The following CACHD1 variants were observed in gnomAD, a reference collection of about 807,000 sequenced individuals.
CACHD1 encodes VWFA and cache domain-containing protein 1.
In CACHD1, 71 loss-of-function variants were observed where a neutral mutation model predicts 138.7. The observed-to-expected ratio is 0.51, with a 90% confidence interval of 0.42 to 0.62. The LOEUF (loss-of-function observed/expected upper bound fraction) is 0.62. CACHD1 is among the 20% of genes least tolerant of loss of function. CACHD1 has a pLI of 0.00. For synonymous variants in CACHD1, 578 were observed against 591.5 expected (o/e 0.98, Z 0.33); for missense variants, 1,389 against 1,625.3 (o/e 0.85, Z 2.50).
chr1:64,476,916 C>T (rs1646177271), intron 1 of CACHD1, among the ~76,000 whole-genome samples: 1 of 152,134 alleles, frequency 6.6e-6, no homozygotes, highest in Non-Finnish European at 1.5e-5. Flanking sequence ...CCTTGCAGAA[C>T]TCTGGAATTT....
At chr1:64,582,345 T>TTTTA (rs769888090) in intron 3 of CACHD1, 41 bp downstream of exon 3, 2 of 1,543,790 alleles carry the variant, frequency 1.3e-6, no homozygotes, top group Non-Finnish European at 1.8e-6. Flanking sequence ...AAACCAGACA[T>TTTTA]TGAATTGCTT....
intron 1 of CACHD1, among the ~76,000 whole-genome samples, chr1:64,522,680 A>C (rs772543092): frequency 6.6e-6 from 1 of 152,114 alleles, no homozygotes; most frequent in Non-Finnish European, 1.5e-5. Flanking sequence ...AACTCACTTT[A>C]TTATTTTTGC....
intron 9 of CACHD1, among the ~76,000 whole-genome samples, chr1:64,651,293 C>T (rs1470892323): frequency 1.5e-4 from 23 of 152,114 alleles, no homozygotes; most frequent in Non-Finnish European, 2.9e-4. Flanking sequence ...CCTTTGGAAA[C>T]TTAATTTCTC....
intron 4 of CACHD1, among the ~76,000 whole-genome samples, chr1:64,607,578 G>C (rs1452537731): frequency 6.6e-6 from 1 of 152,192 alleles, no homozygotes; most frequent in Non-Finnish European, 1.5e-5. Flanking sequence ...ATTATACTCA[G>C]TTTATGTGCC....
intron 1 of CACHD1, among the ~76,000 whole-genome samples, chr1:64,545,174 T>A (rs1485364361): frequency 1.3e-5 from 2 of 152,226 alleles, no homozygotes; most frequent in East Asian, 3.8e-4. Context: ...CAAAAACATT[T>A]GAGTAGAGTA....
chr1:64,510,292 T>G (rs1272677100), intron 1 of CACHD1, among the ~76,000 whole-genome samples: 1 of 152,188 alleles, frequency 6.6e-6, no homozygotes, highest in Non-Finnish European at 1.5e-5. Context: ...CTTGCATCTT[T>G]GCACCCTTTC....
intron 25 of CACHD1, among the ~76,000 whole-genome samples, chr1:64,681,541 G>GGGTTTTTTTT (rs1553146851): frequency 1.0e-4 from 7 of 68,130 alleles, no homozygotes; most frequent in African/African-American, 5.1e-4. Context: ...ATTTTATTGT[G>GGGTTTTTTTT]TTTTTTTTTT....
At chr1:64,491,906 C>A (rs1214176607) in intron 1 of CACHD1, among the ~76,000 whole-genome samples, 1 of 151,996 alleles carries the variant, frequency 6.6e-6, no homozygotes, top group Non-Finnish European at 1.5e-5. Flanking sequence ...CAAGTGTGAG[C>A]CACTGCACCC....
chr1:64,527,277 G>A (rs1488220134), intron 1 of CACHD1, among the ~76,000 whole-genome samples: 4 of 152,156 alleles, frequency 2.6e-5, no homozygotes, highest in East Asian at 3.9e-4. Context: ...CATTCAGTGC[G>A]GCCCATGTGA....
intron 1 of CACHD1, among the ~76,000 whole-genome samples, chr1:64,546,667 CTTTCCA>C (rs930782096): frequency 7.9e-5 from 12 of 152,064 alleles, no homozygotes; most frequent in Non-Finnish European, 1.6e-4. Context: ...AAAAATTTTC[CTTTCCA>C]TTTCCATTTT....
chr1:64,612,276 T>C (rs943190118), intron 4 of CACHD1, among the ~76,000 whole-genome samples: 8 of 151,922 alleles, frequency 5.3e-5, no homozygotes, highest in African/African-American at 1.9e-4. Context: ...CTAATAGAAG[T>C]TTTTTTATAG....
intron 4 of CACHD1, 43 bp downstream of exon 4, chr1:64,602,955 T>C (rs6665437): frequency 1 from 1,253,865 of 1,257,132 alleles, 625,354 homozygotes; most frequent in East Asian, 1. Flanking sequence ...TGTATTCTAC[T>C]GCATTCAAGT....
intron 12 of CACHD1, among the ~76,000 whole-genome samples, chr1:64,655,601 A>G (rs1649236641): frequency 6.6e-6 from 1 of 152,210 alleles, no homozygotes; most frequent in Non-Finnish European, 1.5e-5. Context: ...TAGTTTGGCC[A>G]TAACTTGTGG....
Position 64,654,734 on chromosome 1 carries a change from G to C in CACHD1, c.1713G>C (p.Leu571=), listed in dbSNP as rs1331129491. ...QIIAVPVNSS[L]SWHINKLRET... is the part of the protein sequence containing the mutation. Reference sequence around the variant, plus strand: ...TCGCAGTCCCTGTGAACTCATCCCTGTCTTGGCACATAAACAAGCTGAGAG... The same window carrying C: ...TCGCAGTCCCTGTGAACTCATCCCTCTCTTGGCACATAAACAAGCTGAGAG... Residue 571 remains leucine (L), a synonymous_variant, in exon 12 of 27, where the codon CTG becomes CTC. Transcript: ENST00000651257. 4 of 1,613,976 alleles carry C rather than the reference G, an allele frequency of 2.5e-6. No individual in the cohort carries two copies. The East Asian group carries it at 6.7e-5, about 27-fold the overall frequency.
chr1:64,527,528 G>A (rs1211670250), intron 1 of CACHD1, among the ~76,000 whole-genome samples: 6 of 152,168 alleles, frequency 3.9e-5, no homozygotes, highest in African/African-American at 1.2e-4. Flanking sequence ...CATTTGCTGC[G>A]TTTTTAGGGT....
chr1:64,686,110 G>A (rs1650363256), intron 26 of CACHD1, among the ~76,000 whole-genome samples: 1 of 152,172 alleles, frequency 6.6e-6, no homozygotes, highest in Non-Finnish European at 1.5e-5. Context: ...GTAAATTATG[G>A]GAAACCCCAT....
At chr1:64,527,031 A>G (rs1267132314) in intron 1 of CACHD1, among the ~76,000 whole-genome samples, 3 of 152,214 alleles carry the variant, frequency 2.0e-5, no homozygotes, top group Admixed American at 2.0e-4. Flanking sequence ...AGTAGATCCT[A>G]CCTGATTTCT....
intron 1 of CACHD1, among the ~76,000 whole-genome samples, chr1:64,543,104 A>C (rs1392642588): frequency 1.3e-5 from 2 of 151,976 alleles, no homozygotes; most frequent in African/African-American, 2.4e-5. Flanking sequence ...ATAGCTGCAC[A>C]ATGTTTTTGA....
chr1:64,664,745 A>C, intron 15 of CACHD1, 66 bp downstream of exon 15: 1 of 1,458,368 alleles, frequency 6.9e-7, no homozygotes, highest in Non-Finnish European at 9.4e-7. Flanking sequence ...TGGTAAGTAC[A>C]TACAATAAAG....
Sources: gnomAD v4.1 joint callset for allele counts (sites outside exome capture counted in the v4.1 genomes callset) on GRCh38, gnomAD v4.1.1 for gene constraint, MANE v1.5 for transcripts, NCBI Gene and HGNC (gene_info 2026-07-23, HGNC 2026-07-21) for gene names.